Variants in EYS observed in about 807,000 individuals in gnomAD.
EYS encodes the protein EGF-like photoreceptor maintenance factor, also known as protein eyes shut homolog.
A neutral mutation model predicts 282.1 loss-of-function variants in EYS; 250 were observed. That is an observed-to-expected ratio of 0.89 (90% CI 0.80 to 0.98). EYS has a LOEUF of 0.98. EYS is among the 50% of genes least tolerant of loss of function. The pLI, the probability that EYS is intolerant of heterozygous loss-of-function variation, is 0.00. For missense variants in EYS, 4,016 were observed against 3,709.0 expected, an observed-to-expected ratio of 1.08 and a Z score of -2.15; for synonymous variants, 1,355 against 1,282.9, an observed-to-expected ratio of 1.06 and a Z score of -1.20.
rs747921119 is a variant in EYS at position 64,591,474 on chromosome 6, C to G, written c.4393G>C (p.Ala1465Pro). The change falls in exon 26 of 43, where the codon GCT (alanine) becomes CCT (proline). Residue 1465 changes from alanine to proline, a missense_variant. Ala to Pro is a conservative substitution (Grantham distance 27, BLOSUM62 -1). Coordinates refer to ENST00000503581, the MANE Select transcript of EYS (RefSeq NM_001142800.2). ...GAATATTCTTCAATATCCTCTTGAGCCCCCCTAGAGACAACTGGAGTTGCA... is the reference window on the plus strand; with the variant it reads ...GAATATTCTTCAATATCCTCTTGAGGCCCCCTAGAGACAACTGGAGTTGCA... The part of the protein sequence containing the change: ...ISATPVVSRG[A>P]QEDIEEYSAD... 1.3e-6 allele frequency: 2 copies of G among 1,551,268 alleles called. No homozygotes were observed. Among genetic ancestry groups the G allele is most frequent in the South Asian group, 1.2e-5 (1 of 84,052 alleles).
intron 30 of EYS, among the ~76,000 whole-genome samples, chr6:64,298,378 G>T (rs1769112760): frequency 6.6e-6 from 1 of 152,016 alleles, no homozygotes; most frequent in South Asian, 2.1e-4. Flanking sequence ...GTATAAAGAT[G>T]TTATGTATAA....
Position 65,003,534 on chromosome 6 carries a change from G to A in EYS, c.2138-5831C>T, listed in dbSNP as rs1771535604. 1.4e-5 allele frequency among the ~76,000 whole-genome samples: 2 copies of A among 147,188 alleles called. 1 individual carries two copies. The highest frequency in any genetic ancestry group is 3.0e-5 in the Non-Finnish European group (2 of 65,782). On this transcript the variant is annotated intron_variant, in intron 13 of 42. Coordinates refer to ENST00000503581, the MANE Select transcript of EYS (RefSeq NM_001142800.2). Reference sequence around the variant, plus strand: ...TCTATTACCTTGTAAAGTACTTGATGTCTGTGACCCACACCTATTCGCACA... The same window carrying A: ...TCTATTACCTTGTAAAGTACTTGATATCTGTGACCCACACCTATTCGCACA...
At position 64,113,320 on chromosome 6, in the gene EYS, C is replaced by T. The variant is rs972710803; in HGVS notation, c.6425-31318G>A. 5.3e-5 allele frequency among the ~76,000 whole-genome samples: 8 copies of T among 152,010 alleles called. No homozygotes were observed. In the East Asian group the frequency reaches 5.8e-4, roughly 11 times the overall value. ...CATAGGCTTTGAACAGTGATACTGG[C>T]GTTTGAATCTCAGATCTGTTATATG... On this transcript the variant is annotated intron_variant, in intron 31 of 42. Coordinates refer to ENST00000503581, the MANE Select transcript of EYS (RefSeq NM_001142800.2).
At chr6:65,301,453 C>G (rs903813576) in intron 11 of EYS, among the ~76,000 whole-genome samples, 2 of 152,228 alleles carry the variant, frequency 1.3e-5, no homozygotes, top group East Asian at 1.9e-4. Context: ...AGCCTGTAGC[C>G]GGGCGCCATC....
intron 1 of EYS, among the ~76,000 whole-genome samples, chr6:65,658,396 T>C (rs1432314254): frequency 6.6e-6 from 1 of 151,672 alleles, no homozygotes; most frequent in Non-Finnish European, 1.5e-5. Flanking sequence ...AGATGTATCA[T>C]GGGGAAACTA....
At chr6:63,858,285 C>T (rs1478982398) in intron 36 of EYS, among the ~76,000 whole-genome samples, 1 of 152,148 alleles carries the variant, frequency 6.6e-6, no homozygotes, top group Non-Finnish European at 1.5e-5. Flanking sequence ...GTCTTGAACT[C>T]CTGACCTCAG....
chr6:64,490,300 T>A (rs537085056), intron 26 of EYS, among the ~76,000 whole-genome samples: 1 of 151,036 alleles, frequency 6.6e-6, no homozygotes, highest in Non-Finnish European at 1.5e-5. Flanking sequence ...CACAATACCA[T>A]ATGTTTTATA....
rs574578026 is a variant in EYS at position 64,656,864 on chromosome 6, T to C, written c.3444-30619A>G. Among the ~76,000 whole-genome samples the C allele has an allele frequency of 3.0e-4, 45 of 152,120 alleles. 2 individuals are homozygous for C. In the South Asian group the frequency reaches 9.4e-3, roughly 32 times the overall value. On this transcript the variant is annotated intron_variant, in intron 22 of 42. Coordinates refer to ENST00000503581, the MANE Select transcript of EYS (RefSeq NM_001142800.2). ...TTTGCTGGAAATTGGCTGTAAAAGG[T>C]TGAAATGGTAGGATGAGAGGAGTAG... is the stretch of plus-strand genomic sequence containing the variant.
At chr6:63,895,726 C>T (rs1773519497) in intron 35 of EYS, among the ~76,000 whole-genome samples, 1 of 152,126 alleles carries the variant, frequency 6.6e-6, no homozygotes, top group South Asian at 2.1e-4. Context: ...GTATTGCTAC[C>T]TGAAACCAAG....
At chr6:65,404,100 A>T (rs1421434667) in intron 6 of EYS, among the ~76,000 whole-genome samples, 1 of 152,040 alleles carries the variant, frequency 6.6e-6, no homozygotes, top group Non-Finnish European at 1.5e-5. Context: ...CTCTACAGGA[A>T]AATGTTCCCC....
chr6:64,802,023 CTTTTTTTTTCTTTTTTT>C (rs1429373871), intron 22 of EYS, among the ~76,000 whole-genome samples: 2 of 70,780 alleles, frequency 2.8e-5, no homozygotes, highest in Non-Finnish European at 5.4e-5. Flanking sequence ...ATTTCTTTTT[CTTTTTTTTTCTTTTTTT>C]TTTTTTTTTT....
chr6:63,866,942 A>G (rs528506989), intron 35 of EYS, among the ~76,000 whole-genome samples: 49 of 152,288 alleles, frequency 3.2e-4, no homozygotes, highest in African/African-American at 1.1e-3. Context: ...TTCTAAATCT[A>G]TCTTTGCTAT....
chr6:64,039,350 G>A (rs962820099), intron 33 of EYS, among the ~76,000 whole-genome samples: 18 of 152,150 alleles, frequency 1.2e-4, no homozygotes, highest in African/African-American at 4.3e-4. Context: ...ACTGCTTAAA[G>A]GAGAGTAAAA....
At chr6:64,643,118 C>CA (rs1554188084) in intron 22 of EYS, among the ~76,000 whole-genome samples, 3 of 118,892 alleles carry the variant, frequency 2.5e-5, no homozygotes, top group Non-Finnish European at 5.3e-5. Context: ...TCCATCCCCC[C>CA]CCCCAAAAAA....
Position 65,287,338 on chromosome 6 carries a change from T to C in EYS, c.2023+8525A>G, listed in dbSNP as rs181698436. Among the ~76,000 whole-genome samples, 45 of 151,588 alleles carry C rather than the reference T, an allele frequency of 3.0e-4. No homozygotes were observed. In the East Asian group the frequency reaches 8.7e-3, roughly 29 times the overall value. The stretch of plus-strand genomic sequence containing the variant: ...ATACTTCATGTTATGATGAATATAT[T>C]TGGTCATTTCCCTTGGGGTCACTTC... On this transcript the variant is annotated intron_variant, in intron 12 of 42. Transcript: ENST00000503581.
In EYS at chr6:64,166,203, C is replaced by T. The variant is rs1378976455; in HGVS notation, c.6424+64389G>A. Reference sequence around the variant, plus strand: ...ATTTGATCAGGTGATAAATATAGATCATAATGTTTAATAATGATAACACAG... The same window carrying T: ...ATTTGATCAGGTGATAAATATAGATTATAATGTTTAATAATGATAACACAG... On this transcript the variant is annotated intron_variant, in intron 31 of 42. Coordinates refer to ENST00000503581, the MANE Select transcript of EYS (RefSeq NM_001142800.2). 2.6e-5 allele frequency among the ~76,000 whole-genome samples: 4 copies of T among 152,254 alleles called. No individual in the cohort carries two copies. In the East Asian group the frequency reaches 7.7e-4, roughly 29 times the overall value.
intron 13 of EYS, among the ~76,000 whole-genome samples, chr6:65,000,770 T>G (rs9345585): frequency 0.068 from 10,305 of 152,150 alleles, 440 homozygotes; most frequent in East Asian, 0.13. Flanking sequence ...AGAGCAAGAC[T>G]CCATTAAAAA....
chr6:65,552,959 C>G (rs1034122612), intron 2 of EYS, among the ~76,000 whole-genome samples: 5 of 152,042 alleles, frequency 3.3e-5, no homozygotes, highest in African/African-American at 1.2e-4. Context: ...AATATATTCA[C>G]TATCTGTTGT....
intron 5 of EYS, among the ~76,000 whole-genome samples, chr6:65,414,683 T>C (rs1767162694): frequency 1.3e-5 from 2 of 152,138 alleles, no homozygotes; most frequent in South Asian, 2.1e-4. Context: ...GATATGTTAA[T>C]TTCAAGATAT....
Sources: allele counts gnomAD v4.1 joint callset (sites outside exome capture counted in the v4.1 genomes callset), GRCh38; gene constraint gnomAD v4.1.1; transcripts MANE v1.5; gene names NCBI Gene and HGNC (gene_info 2026-07-23, HGNC 2026-07-21).